The following SIPA1L1 variants were observed in gnomAD, a reference collection of about 807,000 sequenced individuals.
SIPA1L1 encodes signal induced proliferation associated 1 like 1, also known as signal-induced proliferation-associated 1-like protein 1.
A neutral mutation model predicts 162.7 loss-of-function variants in SIPA1L1; 26 were observed. That is an observed-to-expected ratio of 0.16 (90% confidence interval 0.12 to 0.22). SIPA1L1 has a LOEUF of 0.22. SIPA1L1 is among the 10% of genes least tolerant of loss of function. The pLI is 1.00. For missense variants in SIPA1L1, 1,874 were observed against 2,241.0 expected (o/e 0.84, Z 3.31); for synonymous variants, 829 against 837.4 (o/e 0.99, Z 0.17).
intron 13 of SIPA1L1, among the ~76,000 whole-genome samples, chr14:71,696,643 A>G (rs775939082): frequency 2.9e-4 from 44 of 152,294 alleles, no homozygotes; most frequent in Non-Finnish European, 5.9e-4. Context: ...TTCATTTTCT[A>G]CACCACTGAT....
chr14:71,699,904 C>G (rs2081955014), intron 14 of SIPA1L1, among the ~76,000 whole-genome samples: 2 of 152,236 alleles, frequency 1.3e-5, no homozygotes, highest in Admixed American at 1.3e-4. Context: ...CAAATGATTA[C>G]TTAAAACTCC....
At chr14:71,643,053 G>A (rs1018915073) in intron 7 of SIPA1L1, among the ~76,000 whole-genome samples, 1 of 151,856 alleles carries the variant, frequency 6.6e-6, no homozygotes, top group Admixed American at 6.6e-5. Flanking sequence ...AGACCCCAGA[G>A]GAGTTAGGAA....
intron 16 of SIPA1L1, among the ~76,000 whole-genome samples, chr14:71,707,804 C>T (rs2082559599): frequency 1.3e-5 from 2 of 151,796 alleles, no homozygotes; most frequent in African/African-American, 4.8e-5. Context: ...TTTTATTTCT[C>T]TTGGGTATAT....
intron 2 of SIPA1L1, among the ~76,000 whole-genome samples, chr14:71,326,715 CTTT>C (rs34173331): frequency 4.7e-5 from 5 of 107,430 alleles, no homozygotes; most frequent in Admixed American, 1.0e-4. Context: ...ATGTAATTTG[CTTT>C]TTTTTTTTTT....
chr14:71,598,090 C>A, intron 5 of SIPA1L1: 1 of 419,138 alleles, frequency 2.4e-6, no homozygotes, highest in Non-Finnish European at 3.2e-6. Flanking sequence ...ATACTCCAGA[C>A]ACTGAATAAT....
chr14:71,739,135 G>T lies in SIPA1L1; in HGVS notation c.5326G>T (p.Val1776Phe). ...CAAGCTGAAGAAGTTCACAGAATGG[G>T]TCTTCAACACCATAGACATGAGCTA... Reference protein sequence around the residue: ...SDKLKKFTEWVFNTIDMS With the variant: ...SDKLKKFTEWFFNTIDMS The change falls in exon 24 of 24, where the codon GTC becomes TTC. Residue 1776 changes from valine (V) to phenylalanine (F), a missense_variant. This residue lies in a region of SIPA1L1 where 936 missense variants were observed against 1,051.9 expected (regional missense o/e 0.89). Transcript: ENST00000381232. 1 of 1,613,886 alleles carries T rather than the reference G, an allele frequency of 6.2e-7. No individual in the cohort carries two copies. Among genetic ancestry groups the T allele is most frequent in the South Asian group, 1.1e-5 (1 of 91,060 alleles).
intron 2 of SIPA1L1, among the ~76,000 whole-genome samples, chr14:71,345,811 G>T (rs1292998551): frequency 1.3e-5 from 2 of 151,982 alleles, no homozygotes; most frequent in Non-Finnish European, 2.9e-5. Flanking sequence ...CTCGTGATCC[G>T]CCTGCCTCGG....
At chr14:71,705,701 G>A (rs10132111) in intron 16 of SIPA1L1, among the ~76,000 whole-genome samples, 106,456 of 151,554 alleles carry the variant, frequency 0.7, 39,436 homozygotes, top group East Asian at 0.95. Flanking sequence ...CCATGAGAGG[G>A]CTCCAGCAGG....
intron 2 of SIPA1L1, among the ~76,000 whole-genome samples, chr14:71,426,457 A>T (rs1037931844): frequency 6.7e-6 from 1 of 148,282 alleles, no homozygotes; most frequent in African/African-American, 2.5e-5. Flanking sequence ...AACATTCTAA[A>T]GTCATAATAC....
intron 2 of SIPA1L1, among the ~76,000 whole-genome samples, chr14:71,408,087 C>T (rs2042154892): frequency 6.6e-6 from 1 of 152,132 alleles, no homozygotes; most frequent in African/African-American, 2.4e-5. Context: ...TCTGGAGATA[C>T]CTCTACCAGA....
intron 5 of SIPA1L1, among the ~76,000 whole-genome samples, chr14:71,612,514 G>A (rs1200090764): frequency 6.6e-6 from 1 of 152,070 alleles, no homozygotes; most frequent in Non-Finnish European, 1.5e-5. Flanking sequence ...CAGATTACTT[G>A]TAAAACTATA....
At chr14:71,531,638 C>T (rs2053457889) in intron 4 of SIPA1L1, among the ~76,000 whole-genome samples, 1 of 152,132 alleles carries the variant, frequency 6.6e-6, no homozygotes, top group South Asian at 2.1e-4. Context: ...AATCTCAGCT[C>T]ATTGCAGCCT....
intron 2 of SIPA1L1, among the ~76,000 whole-genome samples, chr14:71,490,764 C>T (rs1326022490): frequency 6.6e-6 from 1 of 152,102 alleles, no homozygotes; most frequent in East Asian, 1.9e-4. Flanking sequence ...CCCATTTGAA[C>T]AAAAGCAAAG....
chr14:71,347,336 A>C (rs1308035217), intron 2 of SIPA1L1, among the ~76,000 whole-genome samples: 1 of 151,920 alleles, frequency 6.6e-6, no homozygotes, highest in African/African-American at 2.4e-5. Context: ...ATCATACTTT[A>C]TTTCTTTGTC....
intron 2 of SIPA1L1, among the ~76,000 whole-genome samples, chr14:71,470,507 GTTAAT>G (rs137985799): frequency 0.012 from 1,903 of 152,288 alleles, 22 homozygotes; most frequent in Middle Eastern, 0.02. Context: ...CATATCTAAT[GTTAAT>G]TTAATCCAGT....
At chr14:71,641,078 A>G (rs2041664004) in intron 7 of SIPA1L1, among the ~76,000 whole-genome samples, 2 of 152,208 alleles carry the variant, frequency 1.3e-5, no homozygotes, top group South Asian at 2.1e-4. Context: ...GAAAACATAG[A>G]AAAATACAGA....
chr14:71,419,278 C>T (rs937189457), intron 2 of SIPA1L1, among the ~76,000 whole-genome samples: 2 of 151,388 alleles, frequency 1.3e-5, no homozygotes, highest in African/African-American at 2.4e-5. Flanking sequence ...AGTAACTGAC[C>T]CTTGTCTGCT....
chr14:71,447,822 G>A (rs181739111), intron 2 of SIPA1L1, among the ~76,000 whole-genome samples: 22 of 152,212 alleles, frequency 1.4e-4, no homozygotes, highest in Admixed American at 1.2e-3. Flanking sequence ...GCCTGCCTCT[G>A]CCTCCCAAAA....
At chr14:71,470,498 A>G (rs1285058145) in intron 2 of SIPA1L1, among the ~76,000 whole-genome samples, 3 of 152,138 alleles carry the variant, frequency 2.0e-5, no homozygotes, top group South Asian at 4.1e-4. Context: ...AAAAATATAC[A>G]TATCTAATGT....
Sources: gnomAD v4.1 joint callset for allele counts (sites outside exome capture counted in the v4.1 genomes callset) on GRCh38, gnomAD v4.1.1 for gene constraint, gnomAD v4.1.1 regional missense constraint, MANE v1.5 for transcripts, NCBI Gene and HGNC (gene_info 2026-07-23, HGNC 2026-07-21) for gene names.